TRMT44: variants seen among roughly 807,000 people sequenced by gnomAD.
TRMT44 encodes tRNA methyltransferase 44 homolog, also known as probable tRNA (uracil-O(2)-)-methyltransferase.
Under a neutral mutation model 77.3 loss-of-function variants are expected in TRMT44, and 78 were observed. The ratio of observed to expected loss-of-function variants is 1.01; its 90% confidence interval spans 0.84 to 1.22. TRMT44 has a LOEUF of 1.22. TRMT44 is among the 50% of genes most tolerant of loss of function. The pLI is 0.00. For synonymous variants in TRMT44, 391 were observed against 383.3 expected (o/e 1.02, Z -0.23); for missense variants, 1,090 against 964.4 (o/e 1.13, Z -1.73).
the TRMT44 span, chr4:8,509,680 AC>A: frequency 6.5e-6 from 1 of 152,700 alleles, no homozygotes; most frequent in Non-Finnish European, 1.5e-5. Flanking sequence ...CCCACACCAC[AC>A]CCAGGAGGGG....
Position 8,485,761 on chromosome 4 carries a change from C to T in TRMT44, n.3891+6228C>T, listed in dbSNP as rs28839770. On this transcript the variant is annotated intron_variant and non_coding_transcript_variant, in intron 2 of 2. Transcript: ENST00000511366. ...AAAATATCTCGGCCTAATAAGGGAACGGGGCAGGTGAGGATAACTAAAAAA... is the reference window on the plus strand; with the variant it reads ...AAAATATCTCGGCCTAATAAGGGAATGGGGCAGGTGAGGATAACTAAAAAA... Among the ~76,000 whole-genome samples, 1,411 of 152,068 alleles carry T rather than the reference C, an allele frequency of 9.3e-3. 32 individuals are homozygous for T. The highest frequency in any genetic ancestry group is 0.032 in the African/African-American group (1,309 of 41,452).
intron 2 of TRMT44, among the ~76,000 whole-genome samples, chr4:8,488,849 G>A (rs974113887): frequency 1.3e-5 from 2 of 152,196 alleles, no homozygotes; most frequent in East Asian, 3.9e-4. Flanking sequence ...CTTAAAAGCT[G>A]CTATGAGTGC....
chr4:8,475,816 C>T lies in TRMT44; in HGVS notation c.2089C>T (p.Leu697=). The T allele has an allele frequency of 3.1e-6, 5 of 1,614,176 alleles. No homozygotes were observed. Among genetic ancestry groups the T allele is most frequent in the Non-Finnish European group, 3.4e-6 (4 of 1,180,050 alleles). The part of the protein sequence containing the change: ...VHIRDWREET[L]WKTKQPEAKQ... ...CATCCGCGACTGGCGAGAGGAGACA[C>T]TGTGGAAGACAAAGCAACCGGAAGC... Residue 697 remains leucine (L), a synonymous_variant, in exon 11 of 11, where the codon CTG becomes TTG. Coordinates refer to ENST00000389737, the MANE Select transcript of TRMT44 (RefSeq NM_152544.3).
At chr4:8,486,181 TAGG>T (rs1226647167) in intron 2 of TRMT44, among the ~76,000 whole-genome samples, 1 of 152,094 alleles carries the variant, frequency 6.6e-6, no homozygotes, top group Non-Finnish European at 1.5e-5. Context: ...GGACACAGCT[TAGG>T]GGGAATCTCG....
intron 1 of TRMT44, among the ~76,000 whole-genome samples, chr4:8,443,142 C>CGA (rs1724856692): frequency 6.6e-6 from 1 of 152,084 alleles, no homozygotes; most frequent in Non-Finnish European, 1.5e-5. Flanking sequence ...GGTGTCCTCT[C>CGA]CTCCAGGGGG....
intron 10 of TRMT44, among the ~76,000 whole-genome samples, chr4:8,473,972 C>A (rs1279186270): frequency 6.6e-6 from 1 of 152,206 alleles, no homozygotes; most frequent in Non-Finnish European, 1.5e-5. Flanking sequence ...GCTCCTCAGT[C>A]CTTAGACACC....
chr4:8,467,863 T>C (rs772002939), intron 8 of TRMT44, 51 bp from the exon 9 acceptor site: 30 of 1,516,058 alleles, frequency 2.0e-5, no homozygotes, highest in Admixed American at 1.9e-4. Context: ...ATGGAGAACG[T>C]TGAAATAGAC....
the TRMT44 span, among the ~76,000 whole-genome samples, chr4:8,516,021 C>A: frequency 3.4e-4 from 51 of 152,170 alleles, no homozygotes; most frequent in Non-Finnish European, 6.8e-4. Flanking sequence ...GTCTCTCCCC[C>A]ACGACAAGAT....
chr4:8,486,179 CT>C (rs1272342953), intron 2 of TRMT44, among the ~76,000 whole-genome samples: 1 of 152,192 alleles, frequency 6.6e-6, no homozygotes, highest in East Asian at 1.9e-4. Flanking sequence ...TGGGACACAG[CT>C]TAGGGGGAAT....
intron 2 of TRMT44, chr4:8,493,188 G>C (rs934167350): frequency 6.6e-6 from 1 of 152,202 alleles, no homozygotes; most frequent in African/African-American, 2.4e-5. Flanking sequence ...GAGTAATGCA[G>C]CTGGAGGTGG....
chr4:8,460,614 C>T (rs947544403), intron 6 of TRMT44, among the ~76,000 whole-genome samples: 13 of 149,778 alleles, frequency 8.7e-5, no homozygotes, highest in African/African-American at 2.7e-4. Context: ...GGTACAGTGG[C>T]GTGATCTCGG....
intron 9 of TRMT44, 70 bp from the exon 10 acceptor site, chr4:8,471,014 T>G: frequency 1.8e-6 from 2 of 1,084,252 alleles, no homozygotes; most frequent in Non-Finnish European, 2.7e-6. Flanking sequence ...ATGGACTGTT[T>G]CTGCCTGTGT....
At chr4:8,484,901 A>C (rs1026685099) in intron 2 of TRMT44, among the ~76,000 whole-genome samples, 1 of 152,172 alleles carries the variant, frequency 6.6e-6, no homozygotes, top group African/African-American at 2.4e-5. Flanking sequence ...AGGTGTTTTT[A>C]TGAAGAATTA....
the TRMT44 span, chr4:8,511,738 A>AAG: frequency 6.6e-6 from 1 of 151,938 alleles, no homozygotes; most frequent in Non-Finnish European, 1.5e-5. Context: ...AAAAAAAAAA[A>AAG]CATCCAGATG....
intron 2 of TRMT44, among the ~76,000 whole-genome samples, chr4:8,485,018 A>G (rs989655231): frequency 6.6e-6 from 1 of 152,222 alleles, no homozygotes; most frequent in African/African-American, 2.4e-5. Context: ...CTTGTTGAGA[A>G]GATTCAAAGG....
chr4:8,453,038 T>A, intron 5 of TRMT44, 49 bp downstream of exon 5: 1 of 1,202,252 alleles, frequency 8.3e-7, no homozygotes, highest in East Asian at 2.8e-5. Context: ...CAGAGTTTCC[T>A]CAAGTCAGGC....
intron 6 of TRMT44, among the ~76,000 whole-genome samples, chr4:8,459,694 C>A (rs564094200): frequency 6.6e-6 from 1 of 152,174 alleles, no homozygotes; most frequent in Non-Finnish European, 1.5e-5. Flanking sequence ...CTGAGCACTA[C>A]AAGAGATGCA....
the TRMT44 span, among the ~76,000 whole-genome samples, chr4:8,508,104 A>G: frequency 6.6e-6 from 1 of 152,044 alleles, no homozygotes; most frequent in Admixed American, 6.5e-5. Context: ...ATGGGGTTTC[A>G]CCATGTTGGC....
chr4:8,474,499 G>A (rs904510581), intron 10 of TRMT44, among the ~76,000 whole-genome samples: 1 of 152,228 alleles, frequency 6.6e-6, no homozygotes, highest in Non-Finnish European at 1.5e-5. Context: ...CAACTGTGGC[G>A]CCGTTCTCTG....
Sources: gnomAD v4.1 joint callset for allele counts (sites outside exome capture counted in the v4.1 genomes callset) on GRCh38, gnomAD v4.1.1 for gene constraint, MANE v1.5 for transcripts, NCBI Gene and HGNC (gene_info 2026-07-23, HGNC 2026-07-21) for gene names.